The following SPOCK3 variants were observed in gnomAD, a reference collection of about 807,000 sequenced individuals.
SPOCK3 encodes testican-3.
A neutral mutation model predicts 56.6 loss-of-function variants in SPOCK3; 30 were observed. The observed-to-expected ratio is 0.53, with a 90% CI of 0.40 to 0.72. SPOCK3 has a LOEUF of 0.72. Among genes scored for constraint, SPOCK3 ranks in the 30% least tolerant of loss-of-function variants. The pLI is 0.00. For synonymous variants in SPOCK3, 196 were observed against 183.3 expected, an observed-to-expected ratio of 1.07 and a Z score of -0.56; for missense variants, 527 against 530.0, an observed-to-expected ratio of 0.99 and a Z score of 0.06.
At chr4:166,824,957 G>T (rs1340259802) in intron 6 of SPOCK3, among the ~76,000 whole-genome samples, 3 of 152,010 alleles carry the variant, frequency 2.0e-5, no homozygotes, top group African/African-American at 7.2e-5. Flanking sequence ...CATGAAATTA[G>T]CAATATTAGT....
At chr4:166,753,569 G>A (rs1736694653) in intron 8 of SPOCK3, among the ~76,000 whole-genome samples, 1 of 151,922 alleles carries the variant, frequency 6.6e-6, no homozygotes, top group Non-Finnish European at 1.5e-5. Flanking sequence ...ACTAAATGTG[G>A]AAAAGTTATT....
At chr4:166,936,271 T>C (rs1740391419) in intron 4 of SPOCK3, among the ~76,000 whole-genome samples, 1 of 152,252 alleles carries the variant, frequency 6.6e-6, no homozygotes, top group Non-Finnish European at 1.5e-5. Context: ...TATTAACATA[T>C]ACTTTTTAAA....
At chr4:167,171,914 C>G (rs1013977694) in intron 2 of SPOCK3, among the ~76,000 whole-genome samples, 1 of 150,328 alleles carries the variant, frequency 6.7e-6, no homozygotes, top group Admixed American at 6.6e-5. Context: ...CCCCCCACTC[C>G]CCCCATAATG....
rs561983573 is a variant in SPOCK3 at position 167,204,578 on chromosome 4, G to C, written c.189+29407C>G. Among the ~76,000 whole-genome samples the C allele has an allele frequency of 2.9e-4, 44 of 152,096 alleles. 1 individual carries two copies. Among genetic ancestry groups the C allele is most frequent in the South Asian group, 2.5e-3 (12 of 4,818 alleles). ...CCCATGATCTAATCACCTTCCACAAGGTCCCTCACCCAACATGTGGGGATT... is the reference window on the plus strand; with the variant it reads ...CCCATGATCTAATCACCTTCCACAACGTCCCTCACCCAACATGTGGGGATT... On this transcript the variant is annotated intron_variant, in intron 2 of 10. Transcript: ENST00000357545.
chr4:167,163,593 C>G (rs181479347), intron 2 of SPOCK3, among the ~76,000 whole-genome samples: 1 of 151,726 alleles, frequency 6.6e-6, no homozygotes, highest in Non-Finnish European at 1.5e-5. Flanking sequence ...CACTACCCTT[C>G]CCAACCTCTG....
At chr4:167,123,983 G>C (rs564174159) in intron 2 of SPOCK3, among the ~76,000 whole-genome samples, 2 of 152,058 alleles carry the variant, frequency 1.3e-5, no homozygotes, top group South Asian at 4.1e-4. Flanking sequence ...CTGACCTCGT[G>C]ATCTGCCTGC....
rs200915593 is a variant in SPOCK3, at chr4:167,066,062, TAA to T, written c.190-3527_190-3526del. ...CTTGTACTTACAGAAATAATAACTA[TAA>T]GTTTTCCACAAAATAAAGTCTACAT... is the stretch of plus-strand genomic sequence containing the variant. On this transcript the variant is annotated intron_variant, in intron 2 of 10. Transcript: ENST00000357545. Among the ~76,000 whole-genome samples the T allele has an allele frequency of 8.2e-3, 1,254 of 152,090 alleles. 16 individuals are homozygous for T. Among genetic ancestry groups the T allele is most frequent in the African/African-American group, 0.028 (1,180 of 41,536 alleles).
chr4:167,182,542 T>C (rs1422778676), intron 2 of SPOCK3, among the ~76,000 whole-genome samples: 1 of 151,704 alleles, frequency 6.6e-6, no homozygotes, highest in African/African-American at 2.4e-5. Context: ...GCAGTTTTCA[T>C]GTTCTTTTTT....
At chr4:166,948,901 T>C (rs1227989352) in intron 4 of SPOCK3, among the ~76,000 whole-genome samples, 3 of 152,146 alleles carry the variant, frequency 2.0e-5, no homozygotes, top group East Asian at 3.8e-4. Context: ...CCTTGCTAGA[T>C]TGGGGAAGTT....
chr4:167,016,493 T>A (rs1397542851), intron 3 of SPOCK3, among the ~76,000 whole-genome samples: 1 of 151,932 alleles, frequency 6.6e-6, no homozygotes, highest in Non-Finnish European at 1.5e-5. Flanking sequence ...AATTTCCCCA[T>A]GAAGAAAGCT....
At chr4:166,997,828 G>A (rs1748548949) in intron 4 of SPOCK3, among the ~76,000 whole-genome samples, 1 of 152,146 alleles carries the variant, frequency 6.6e-6, no homozygotes, top group Admixed American at 6.6e-5. Context: ...GAAACAGCGG[G>A]TTTCCTTTCT....
chr4:166,819,517 A>G (rs977802011), intron 6 of SPOCK3, among the ~76,000 whole-genome samples: 1 of 152,128 alleles, frequency 6.6e-6, no homozygotes, highest in Non-Finnish European at 1.5e-5. Flanking sequence ...GAACTAATAA[A>G]GGAGTTCAGT....
chr4:166,747,211 T>C (rs1735746776), intron 8 of SPOCK3, among the ~76,000 whole-genome samples: 1 of 152,144 alleles, frequency 6.6e-6, no homozygotes, highest in South Asian at 2.1e-4. Flanking sequence ...ACATCGCTGA[T>C]GAACATTGAT....
At chr4:166,852,632 C>T (rs1303489781) in intron 6 of SPOCK3, among the ~76,000 whole-genome samples, 1 of 152,170 alleles carries the variant, frequency 6.6e-6, no homozygotes, top group African/African-American at 2.4e-5. Flanking sequence ...TCTTTCCTTC[C>T]TCAAAGTGTT....
intron 2 of SPOCK3, among the ~76,000 whole-genome samples, chr4:167,158,745 C>T (rs1765028587): frequency 6.6e-6 from 1 of 151,858 alleles, no homozygotes; most frequent in South Asian, 2.1e-4. Context: ...AAATCAAATC[C>T]ACACATATTA....
At chr4:167,166,651 T>C (rs779158262) in intron 2 of SPOCK3, among the ~76,000 whole-genome samples, 20 of 152,100 alleles carry the variant, frequency 1.3e-4, no homozygotes, top group Non-Finnish European at 2.2e-4. Context: ...CTAATATTTA[T>C]GACAATGGAA....
intron 2 of SPOCK3, among the ~76,000 whole-genome samples, chr4:167,113,731 A>G (rs2150351286): frequency 6.6e-6 from 1 of 152,220 alleles, no homozygotes; most frequent in South Asian, 2.1e-4. Flanking sequence ...ATGTAATGGT[A>G]CCAACACCAA....
chr4:167,058,806 T>C (rs1755219689), intron 3 of SPOCK3, among the ~76,000 whole-genome samples: 1 of 152,066 alleles, frequency 6.6e-6, no homozygotes, highest in African/African-American at 2.4e-5. Context: ...AACAGAGATA[T>C]AGATCAATGG....
intron 2 of SPOCK3, among the ~76,000 whole-genome samples, chr4:167,172,605 C>G (rs1730604038): frequency 6.6e-6 from 1 of 152,042 alleles, no homozygotes; most frequent in Admixed American, 6.6e-5. Flanking sequence ...CTTAATTTGT[C>G]CAAATGAGTT....
Sources: gnomAD v4.1 joint callset for allele counts (sites outside exome capture counted in the v4.1 genomes callset) on GRCh38, gnomAD v4.1.1 for gene constraint, MANE v1.5 for transcripts, NCBI Gene and HGNC (gene_info 2026-07-23, HGNC 2026-07-21) for gene names.